SHTN1: variants seen among roughly 807,000 people sequenced by gnomAD.
SHTN1 encodes the protein shootin-1.
In SHTN1, 42 loss-of-function variants were observed where a neutral mutation model predicts 83.1. The observed-to-expected ratio is 0.51, with a 90% CI of 0.39 to 0.65. The LOEUF (loss-of-function observed/expected upper bound fraction) is 0.65, where lower values mean the gene tolerates loss of function less well. Among genes scored for constraint, SHTN1 ranks in the 30% least tolerant of loss-of-function variants. The probability of loss-of-function intolerance (pLI) is 0.00; values close to 1 mark genes in which losing one functional copy is unlikely to be tolerated. For synonymous variants in SHTN1, 224 were observed against 247.7 expected (o/e 0.90, Z 0.90); for missense variants, 622 against 737.8 (o/e 0.84, Z 1.82).
chr10:116,890,389 A>G (rs1272831328), intron 16 of SHTN1, among the ~76,000 whole-genome samples: 2 of 152,214 alleles, frequency 1.3e-5, no homozygotes, highest in African/African-American at 4.8e-5. Flanking sequence ...TTCAGTTGTC[A>G]GATGAAGTGT....
chr10:117,118,106 C>T (rs951800594), intron 1 of SHTN1, among the ~76,000 whole-genome samples: 1 of 151,994 alleles, frequency 6.6e-6, no homozygotes, highest in African/African-American at 2.4e-5. Flanking sequence ...AGAGACAACC[C>T]ACAGAATGGG....
chr10:116,907,374 C>T (rs1848011291), intron 14 of SHTN1, among the ~76,000 whole-genome samples: 1 of 152,182 alleles, frequency 6.6e-6, no homozygotes, highest in Non-Finnish European at 1.5e-5. Context: ...ACTCCACATT[C>T]CTAACACAGG....
chr10:116,996,556 A>C (rs886855321), intron 1 of SHTN1, among the ~76,000 whole-genome samples: 2 of 152,214 alleles, frequency 1.3e-5, no homozygotes, highest in African/African-American at 4.8e-5. Flanking sequence ...TGAGCCTAAG[A>C]TTTATAAATC....
At chr10:116,911,394 TA>T in intron 14 of SHTN1, 1 of 1,446,932 alleles carries the variant, frequency 6.9e-7, no homozygotes, top group Non-Finnish European at 9.2e-7. Context: ...GGGAGGAATT[TA>T]GCTTCACATT....
intron 1 of SHTN1, among the ~76,000 whole-genome samples, chr10:116,989,022 T>C (rs1851321701): frequency 6.6e-6 from 1 of 152,200 alleles, no homozygotes; most frequent in Non-Finnish European, 1.5e-5. Flanking sequence ...CAATTCCATT[T>C]TCAAGAATGT....
intron 12 of SHTN1, among the ~76,000 whole-genome samples, chr10:116,918,832 G>A (rs758125564): frequency 6.6e-6 from 1 of 152,140 alleles, no homozygotes; most frequent in Non-Finnish European, 1.5e-5. Flanking sequence ...ACAAATTAAT[G>A]ACCTAAATGT....
At chr10:117,115,783 G>A (rs1450287875) in intron 1 of SHTN1, among the ~76,000 whole-genome samples, 3 of 152,144 alleles carry the variant, frequency 2.0e-5, no homozygotes, top group African/African-American at 7.2e-5. Flanking sequence ...ACTATACTGA[G>A]CTTTTGCTAT....
chr10:116,928,185 G>C (rs1273246331), intron 10 of SHTN1, among the ~76,000 whole-genome samples: 5 of 152,162 alleles, frequency 3.3e-5, no homozygotes, highest in Admixed American at 2.6e-4. Context: ...GGAGTAGGCT[G>C]AAGAAATATT....
At chr10:116,914,481 AAAG>A (rs1326012259) in intron 13 of SHTN1, among the ~76,000 whole-genome samples, 1 of 152,012 alleles carries the variant, frequency 6.6e-6, no homozygotes, top group Admixed American at 6.5e-5. Flanking sequence ...AAAAAAAAAA[AAAG>A]AACAGAAAAA....
intron 3 of SHTN1, among the ~76,000 whole-genome samples, chr10:116,966,337 G>A (rs1230240358): frequency 6.6e-6 from 1 of 152,096 alleles, no homozygotes; most frequent in Non-Finnish European, 1.5e-5. Context: ...TTTTGAGACT[G>A]AGTAAAGAGT....
rs1177046893 is a variant in SHTN1, at chr10:117,090,752, CAGAAGGAA to C, written c.-189+35547_-189+35554del. On this transcript the variant is annotated intron_variant, in intron 1 of 17. Transcript: ENST00000392901. Reference sequence around the variant, plus strand: ...AGCCATGTGCCCTAATTTGTGAAAACAGAAGGAAGGAAGGAAGGAAGGAAGGAAGGAAG... The same window carrying C: ...AGCCATGTGCCCTAATTTGTGAAAACGGAAGGAAGGAAGGAAGGAAGGAAG... Among the ~76,000 whole-genome samples the C allele has an allele frequency of 2.6e-3, 287 of 110,644 alleles. 7 individuals are homozygous for C. Among genetic ancestry groups the C allele is most frequent in the East Asian group, 0.014 (58 of 4,018 alleles). The allele number at this position is 110,644 out of a possible 152,430, so 72.6% of individuals were successfully genotyped here.
At chr10:116,972,503 G>T (rs1237921764) in intron 2 of SHTN1, among the ~76,000 whole-genome samples, 1 of 152,162 alleles carries the variant, frequency 6.6e-6, no homozygotes, top group Non-Finnish European at 1.5e-5. Context: ...ACCCAGAAAA[G>T]AATCTTGCAA....
rs1463363890 is a variant in SHTN1, at chr10:116,886,022, G to A, written c.*322C>T. The A allele has an allele frequency of 7.1e-6, 2 of 280,152 alleles. No homozygotes were observed. Among genetic ancestry groups the A allele is most frequent in the African/African-American group, 4.4e-5 (2 of 45,724 alleles). 17.4% of individuals were successfully genotyped at this position (280,152 alleles called of 1,614,324 possible). On this transcript the variant is annotated 3_prime_UTR_variant, in exon 17 of 17. Coordinates refer to ENST00000355371, the MANE Select transcript of SHTN1 (RefSeq NM_001127211.3). Reference sequence around the variant, plus strand: ...AAACTTTCAGCATTCCATTTGATGAGTGGTATGCACATTTCCTAAAAAGGT... The same window carrying A: ...AAACTTTCAGCATTCCATTTGATGAATGGTATGCACATTTCCTAAAAAGGT...
At chr10:116,944,876 C>A (rs368077003) in intron 8 of SHTN1, 48 bp downstream of exon 8, 2 of 1,198,476 alleles carry the variant, frequency 1.7e-6, no homozygotes, top group Non-Finnish European at 1.2e-6. Context: ...GGTGACAGAG[C>A]GAGACTCTGT....
At chr10:116,986,685 C>T (rs969404997) in intron 1 of SHTN1, among the ~76,000 whole-genome samples, 8 of 149,348 alleles carry the variant, frequency 5.4e-5, no homozygotes, top group African/African-American at 1.2e-4. Context: ...AGTTTGAGGC[C>T]GGCCTGGGCA....
At chr10:116,919,518 A>G (rs1202818824) in intron 12 of SHTN1, among the ~76,000 whole-genome samples, 2 of 152,232 alleles carry the variant, frequency 1.3e-5, no homozygotes, top group Non-Finnish European at 2.9e-5. Context: ...GGGGGTTAAG[A>G]AATTCTCGAA....
chr10:116,912,367 G>A (rs560248098), intron 13 of SHTN1, among the ~76,000 whole-genome samples: 3 of 152,334 alleles, frequency 2.0e-5, no homozygotes, highest in Admixed American at 6.5e-5. Context: ...GGACAGAGTC[G>A]AGAGAGCAGG....
intron 1 of SHTN1, among the ~76,000 whole-genome samples, chr10:116,991,242 T>G (rs911232335): frequency 6.6e-6 from 1 of 152,186 alleles, no homozygotes; most frequent in African/African-American, 2.4e-5. Context: ...GGTTGTAGTT[T>G]TCGTATTGAG....
intron 2 of SHTN1, among the ~76,000 whole-genome samples, chr10:117,031,848 GACCACAAAACA>G (rs1394192159): frequency 6.6e-6 from 1 of 151,886 alleles, no homozygotes; most frequent in Non-Finnish European, 1.5e-5. Context: ...AGGAAAAGAA[GACCACAAAACA>G]ACCAGAAAAC....
Sources: gnomAD v4.1 joint callset for allele counts (sites outside exome capture counted in the v4.1 genomes callset) on GRCh38, gnomAD v4.1.1 for gene constraint, MANE v1.5 for transcripts, NCBI Gene and HGNC (gene_info 2026-07-23, HGNC 2026-07-21) for gene names.